Variants in USP32 observed in about 807,000 individuals in gnomAD.
USP32 encodes ubiquitin specific peptidase 32.
Under a neutral mutation model 204.8 loss-of-function variants are expected in USP32, and 59 were observed. The ratio of observed to expected loss-of-function variants is 0.29; its 90% confidence interval spans 0.23 to 0.36. The LOEUF (loss-of-function observed/expected upper bound fraction) is 0.36. Among genes scored for constraint, USP32 ranks in the 10% least tolerant of loss-of-function variants. The pLI, the probability that USP32 is intolerant of heterozygous loss-of-function variation, is 1.00. For synonymous variants in USP32, 517 were observed against 678.4 expected (o/e 0.76, Z 3.70); for missense variants, 1,160 against 1,946.4 (o/e 0.60, Z 7.60).
intron 5 of USP32, among the ~76,000 whole-genome samples, chr17:60,281,250 A>G (rs930654345): frequency 5.9e-5 from 9 of 152,030 alleles, no homozygotes; most frequent in African/African-American, 2.2e-4. Context: ...TATAAAACAC[A>G]TGCTCTGGCC....
chr17:60,209,904 C>T (rs1189693477), intron 21 of USP32, among the ~76,000 whole-genome samples: 1 of 151,814 alleles, frequency 6.6e-6, no homozygotes, highest in Non-Finnish European at 1.5e-5. Context: ...TTTTTATATG[C>T]ATATAAAATA....
chr17:60,247,845 GGATAATTGTTTTGTATT>G (rs1326673553), intron 11 of USP32, among the ~76,000 whole-genome samples: 1 of 152,004 alleles, frequency 6.6e-6, no homozygotes. Context: ...TATCACACCT[GGATAATTGTTTTGTATT>G]TTTAGTAGAG....
chr17:60,210,299 T>C (rs79117509), intron 21 of USP32, among the ~76,000 whole-genome samples: 1 of 152,084 alleles, frequency 6.6e-6, no homozygotes, highest in Non-Finnish European at 1.5e-5. Context: ...GTTTCATTCA[T>C]TCATCCTTCT....
chr17:60,309,163 G>T (rs956653064), intron 2 of USP32, among the ~76,000 whole-genome samples: 4 of 152,242 alleles, frequency 2.6e-5, no homozygotes, highest in African/African-American at 7.2e-5. Context: ...AAAAACTTCT[G>T]CTCAGCAAAG....
At chr17:60,421,859 GC>G in intron 1 of USP32, 6 of 985,486 alleles carry the variant, frequency 6.1e-6, no homozygotes, top group Non-Finnish European at 7.2e-6. Flanking sequence ...CGCACACGAG[GC>G]CGGCGACGGG....
chr17:60,420,694 A>C (rs201290771), intron 1 of USP32, among the ~76,000 whole-genome samples: 3 of 152,172 alleles, frequency 2.0e-5, no homozygotes, highest in Admixed American at 6.5e-5. Flanking sequence ...AACAAACAAA[A>C]AAACCTCTTT....
Position 60,198,364 on chromosome 17 carries a change from A to G in USP32, c.3330T>C (p.Thr1110=). Residue 1110 remains threonine, a synonymous_variant, in exon 27 of 34, where the codon ACT becomes ACC. Transcript: ENST00000300896. ...LFGMPLIVPC[T]VHTRKKDLYD... ...ATAGGTCTTTCTTCCGGGTATGCAC[A>G]GTACATGGAACAATCAATGGCATTC... 6.2e-7 allele frequency: 1 copy of G among 1,614,224 alleles called. No homozygotes were observed. The highest frequency in any genetic ancestry group is 8.5e-7 in the Non-Finnish European group (1 of 1,180,028).
intron 3 of USP32, among the ~76,000 whole-genome samples, chr17:60,300,859 T>G (rs2087556832): frequency 6.6e-6 from 1 of 152,226 alleles, no homozygotes; most frequent in Non-Finnish European, 1.5e-5. Flanking sequence ...CCCTCTCACC[T>G]GATACCTCCA....
chr17:60,241,153 A>G (rs1307136331), intron 11 of USP32, among the ~76,000 whole-genome samples: 4 of 152,050 alleles, frequency 2.6e-5, no homozygotes, highest in African/African-American at 9.7e-5. Flanking sequence ...GTGCGCCACC[A>G]TGGCCGGCTA....
chr17:60,189,337 C>T (rs1475069531), intron 29 of USP32, among the ~76,000 whole-genome samples: 2 of 152,198 alleles, frequency 1.3e-5, no homozygotes, highest in African/African-American at 4.8e-5. Flanking sequence ...TTGGTAGTTT[C>T]CCCAGTCCTC....
At chr17:60,180,374 T>A (rs1418156607) in intron 33 of USP32, among the ~76,000 whole-genome samples, 171 bp downstream of exon 33, 1 of 152,236 alleles carries the variant, frequency 6.6e-6, no homozygotes, top group Non-Finnish European at 1.5e-5. Flanking sequence ...ATGTTTTCAT[T>A]CCCTACTCTG....
chr17:60,280,230 G>C (rs1289953892), intron 5 of USP32, among the ~76,000 whole-genome samples: 1 of 152,038 alleles, frequency 6.6e-6, no homozygotes, highest in East Asian at 1.9e-4. Context: ...CCGAGTAGCT[G>C]GGATTACAGG....
chr17:60,205,317 T>G (rs2084795312), intron 26 of USP32, 130 bp downstream of exon 26: 1 of 1,357,328 alleles, frequency 7.4e-7, no homozygotes, highest in African/African-American at 1.5e-5. Flanking sequence ...TTTGTAAAAT[T>G]ATTAAATTTT....
chr17:60,349,734 A>G (rs1022487513), intron 1 of USP32, among the ~76,000 whole-genome samples: 17 of 145,608 alleles, frequency 1.2e-4, no homozygotes, highest in Admixed American at 8.4e-4. Context: ...CTTAAACTGT[A>G]GGGAAATGTA....
At chr17:60,251,135 G>T (rs1356388969) in intron 11 of USP32, among the ~76,000 whole-genome samples, 2 of 151,748 alleles carry the variant, frequency 1.3e-5, no homozygotes, top group African/African-American at 2.4e-5. Context: ...TAAAGACAGG[G>T]TCTCACCATG....
intron 7 of USP32, 65 bp downstream of exon 7, chr17:60,269,385 A>C (rs2086673472): frequency 8.2e-7 from 1 of 1,217,022 alleles, no homozygotes; most frequent in Non-Finnish European, 1.2e-6. Context: ...ATAATTTTAC[A>C]TTGATGAAAA....
At chr17:60,377,315 A>G (rs2089565227) in intron 1 of USP32, among the ~76,000 whole-genome samples, 1 of 152,206 alleles carries the variant, frequency 6.6e-6, no homozygotes, top group African/African-American at 2.4e-5. Flanking sequence ...ATAAAAAATA[A>G]TTTTTAAAAG....
At chr17:60,328,314 G>A (rs1279415642) in intron 2 of USP32, among the ~76,000 whole-genome samples, 1 of 152,146 alleles carries the variant, frequency 6.6e-6, no homozygotes, top group Admixed American at 6.5e-5. Context: ...CAGATGATGG[G>A]ACCACCAGGT....
rs200965508 is a variant in USP32, at chr17:60,207,165, G to A, written c.2926-33C>T. On this transcript the variant is annotated intron_variant, in intron 24 of 33. Transcript: ENST00000300896. ...AACAGAAGCAAGATGAGAAGGGGGA[G>A]ATGTTTCAGATAAAATGGAAAAGTT... 4.7e-4 allele frequency: 753 copies of A among 1,586,802 alleles called. 3 individuals carry two copies. The East Asian group carries it at 0.013, about 28-fold the overall frequency.
Sources: allele counts gnomAD v4.1 joint callset (sites outside exome capture counted in the v4.1 genomes callset), GRCh38; gene constraint gnomAD v4.1.1; transcripts MANE v1.5; gene names NCBI Gene and HGNC (gene_info 2026-07-23, HGNC 2026-07-21).